The following ARID3A variants were observed in gnomAD, a reference collection of about 807,000 sequenced individuals.
The protein encoded by ARID3A is AT-rich interaction domain 3A.
ARID3A carries 11 observed loss-of-function variants against 52.7 expected under a neutral mutation model. The ratio of observed to expected loss-of-function variants is 0.21; its 90% CI spans 0.13 to 0.35. The LOEUF (loss-of-function observed/expected upper bound fraction) is 0.35. ARID3A is among the 10% of genes least tolerant of loss of function. The pLI, the probability that ARID3A is intolerant of heterozygous loss-of-function variation, is 1.00. For missense variants in ARID3A, 721 were observed against 838.5 expected, an observed-to-expected ratio of 0.86 and a Z score of 1.73; for synonymous variants, 404 against 359.4, an observed-to-expected ratio of 1.12 and a Z score of -1.40.
rs373455549 is a variant in ARID3A at position 964,444 on chromosome 19, C to T, written c.950+13C>T. ...CCCTGCGGACCCAGTGAGTGGCGGA[C>T]GGTTGTGCCGAGGTCGGGCCAGGGC... On this transcript the variant is annotated intron_variant, in intron 5 of 8. Transcript: ENST00000263620. This position sits in a 1 kb window ranked among gnomAD's most constrained non-coding sequence, Gnocchi z 5.7. 76 of 1,571,530 alleles carry T rather than the reference C, an allele frequency of 4.8e-5. No individual in the cohort carries two copies. The Middle Eastern group carries it at 6.9e-4, about 14-fold the overall frequency.
chr19:953,696 C>T (rs1014684136), intron 3 of ARID3A, among the ~76,000 whole-genome samples: 3 of 152,150 alleles, frequency 2.0e-5, no homozygotes, highest in East Asian at 1.9e-4. Flanking sequence ...AGGCAGGAGC[C>T]GAGCGGGGAC....
chr19:939,179 C>T (rs913897004), intron 3 of ARID3A, among the ~76,000 whole-genome samples: 14 of 151,096 alleles, frequency 9.3e-5, no homozygotes, highest in Non-Finnish European at 1.6e-4. Context: ...AATGCAGTGG[C>T]GCCATCTCGG....
At chr19:962,805 G>A (rs1022617189) in intron 4 of ARID3A, among the ~76,000 whole-genome samples, 1 of 152,056 alleles carries the variant, frequency 6.6e-6, no homozygotes, top group African/African-American at 2.4e-5. Flanking sequence ...TTGAGCCACC[G>A]CGCCCGGCCT....
At position 964,788 on chromosome 19, in the gene ARID3A, T is replaced by C; in HGVS notation, c.951-45T>C. ...TTGTACTGAAGGCCAAAGAGAGCCG[T>C]AGGGGTGACCCGGGTGCCATCCTCT... is the stretch of plus-strand genomic sequence containing the variant. On this transcript the variant is annotated intron_variant, in intron 5 of 8. Transcript: ENST00000263620. This position sits in a 1 kb window ranked among gnomAD's most constrained non-coding sequence, Gnocchi z 5.7. 2 of 1,594,040 alleles carry C rather than the reference T, an allele frequency of 1.3e-6. No individual in the cohort carries two copies. The highest frequency in any genetic ancestry group is 1.7e-6 in the Non-Finnish European group (2 of 1,167,018).
intron 3 of ARID3A, among the ~76,000 whole-genome samples, chr19:943,305 A>G (rs910523724): frequency 6.6e-6 from 1 of 151,148 alleles, no homozygotes; most frequent in Admixed American, 6.6e-5. Context: ...GCAGTGTCTC[A>G]TGCCTGTAAT....
chr19:968,293 A>G, intron 7 of ARID3A, 112 bp from the exon 8 acceptor site: 1 of 831,364 alleles, frequency 1.2e-6, no homozygotes, highest in Non-Finnish European at 1.8e-6. Flanking sequence ...CAGGAGGCAG[A>G]GCTTGCAGTG....
rs373538937 is a variant in ARID3A at position 932,809 on chromosome 19, C to T, written c.693+67C>T. 1.8e-4 allele frequency: 274 copies of T among 1,539,766 alleles called. 2 individuals carry two copies. The East Asian group carries it at 5.9e-3, about 33-fold the overall frequency. On this transcript the variant is annotated intron_variant, in intron 3 of 8. Coordinates refer to ENST00000263620, the MANE Select transcript of ARID3A (RefSeq NM_005224.3). ...CTGGGCCAGTGGGGCCCTTTGAAGG[C>T]CCACGTTGCACGGGGTGTGTGCTGA...
Position 959,477 on chromosome 19 carries a change from A to G in ARID3A, c.694-615A>G, listed in dbSNP as rs1401040642. Reference sequence around the variant, plus strand: ...CATAATGTAGAGATGGGGTCTCACTATGTTGCCCAGGCTGGTCTTGAATTC... The same window carrying G: ...CATAATGTAGAGATGGGGTCTCACTGTGTTGCCCAGGCTGGTCTTGAATTC... On this transcript the variant is annotated intron_variant, in intron 3 of 8. Transcript: ENST00000263620. This position sits in a 1 kb window ranked among gnomAD's most constrained non-coding sequence, Gnocchi z 5.0. Among the ~76,000 whole-genome samples, 3 of 151,914 alleles carry G rather than the reference A, an allele frequency of 2.0e-5. No individual in the cohort carries two copies. The highest frequency in any genetic ancestry group is 4.4e-5 in the Non-Finnish European group (3 of 67,990).
At chr19:934,666 T>C (rs2037402710) in intron 3 of ARID3A, among the ~76,000 whole-genome samples, 1 of 151,708 alleles carries the variant, frequency 6.6e-6, no homozygotes, top group Admixed American at 6.6e-5. Context: ...AGGGACCGGG[T>C]GCCGCCTCTG....
At chr19:934,990 T>A (rs2037409361) in intron 3 of ARID3A, among the ~76,000 whole-genome samples, 1 of 152,172 alleles carries the variant, frequency 6.6e-6, no homozygotes, top group Admixed American at 6.5e-5. Flanking sequence ...GACACCTGTG[T>A]TCCCAGTGTC....
Position 941,158 on chromosome 19 carries a change from C to A in ARID3A, c.693+8416C>A, listed in dbSNP as rs550687367. ...TGCTTTCTAATAACACACGCGGCAGCCCGAGGGAGCGGTGCCCGCAGGCAG... is the reference window on the plus strand; with the variant it reads ...TGCTTTCTAATAACACACGCGGCAGACCGAGGGAGCGGTGCCCGCAGGCAG... On this transcript the variant is annotated intron_variant, in intron 3 of 8. Transcript: ENST00000263620. This position sits in a 1 kb window ranked among gnomAD's most constrained non-coding sequence, Gnocchi z 6.9. 6.6e-6 allele frequency among the ~76,000 whole-genome samples: 1 copy of A among 152,346 alleles called. No individual in the cohort carries two copies. Among genetic ancestry groups the A allele is most frequent in the East Asian group, 1.9e-4 (1 of 5,186 alleles).
chr19:963,948 G>T (rs1047326495), intron 4 of ARID3A, among the ~76,000 whole-genome samples: 2 of 152,220 alleles, frequency 1.3e-5, no homozygotes, highest in East Asian at 3.8e-4. Flanking sequence ...AAAGATCCGG[G>T]CGTCTCCCGC....
chr19:936,407 G>A (rs551850350), intron 3 of ARID3A, among the ~76,000 whole-genome samples: 2 of 152,276 alleles, frequency 1.3e-5, no homozygotes, highest in East Asian at 3.9e-4. Context: ...AGCTGAGTGT[G>A]GTGGCGCACA....
chr19:956,284 G>C (rs111460230), intron 3 of ARID3A, among the ~76,000 whole-genome samples: 9 of 152,184 alleles, frequency 5.9e-5, no homozygotes, highest in African/African-American at 2.2e-4. Context: ...CGCCCTGCCC[G>C]GCTCACTTTT....
intron 3 of ARID3A, among the ~76,000 whole-genome samples, chr19:952,813 C>T (rs1487429532): frequency 6.6e-6 from 1 of 152,124 alleles, no homozygotes; most frequent in Non-Finnish European, 1.5e-5. Context: ...TCTTTACAGC[C>T]TGGGCCTCTG....
At chr19:969,787 G>C (rs572725876) in intron 8 of ARID3A, among the ~76,000 whole-genome samples, 1 of 150,022 alleles carries the variant, frequency 6.7e-6, no homozygotes, top group African/African-American at 2.4e-5. Flanking sequence ...TCCTGGGTTC[G>C]AGCGATTCTC....
intron 3 of ARID3A, among the ~76,000 whole-genome samples, chr19:951,254 G>A (rs968608449): frequency 3.4e-5 from 5 of 148,632 alleles, no homozygotes; most frequent in African/African-American, 7.4e-5. Context: ...ACCACACCCA[G>A]CCTTTTATAA....
At chr19:969,536 TTC>T (rs1384331358) in intron 8 of ARID3A, among the ~76,000 whole-genome samples, 1 of 151,580 alleles carries the variant, frequency 6.6e-6, no homozygotes, top group Non-Finnish European at 1.5e-5. Context: ...GATCCCGTCC[TTC>T]TCTCTCTCTA....
intron 3 of ARID3A, among the ~76,000 whole-genome samples, chr19:935,143 C>G (rs1175833468): frequency 2.6e-5 from 4 of 152,238 alleles, no homozygotes; most frequent in Non-Finnish European, 5.9e-5. Context: ...TTGGCACCGT[C>G]TCTGCCTCTT....
Sources: allele counts gnomAD v4.1 joint callset (sites outside exome capture counted in the v4.1 genomes callset), GRCh38; gene constraint gnomAD v4.1.1; non-coding constraint Gnocchi (gnomAD v3.1); transcripts MANE v1.5; gene names NCBI Gene and HGNC (gene_info 2026-07-23, HGNC 2026-07-21).